ZNF107: variants seen among roughly 807,000 people sequenced by gnomAD.
ZNF107 encodes the protein C2H2 type zinc-finger protein.
A neutral mutation model predicts 12.3 loss-of-function variants in ZNF107; 19 were observed. The observed-to-expected ratio is 1.55, with a 90% confidence interval of 1.08 to 2.27. ZNF107 has a LOEUF of 2.27. ZNF107 is among the 30% of genes most tolerant of loss of function. The pLI is 0.00. For missense variants in ZNF107, 958 were observed against 979.9 expected, an observed-to-expected ratio of 0.98 and a Z score of 0.30; for synonymous variants, 317 against 330.5, an observed-to-expected ratio of 0.96 and a Z score of 0.44.
At chr7:64,670,894 A>G (rs1352806637) in intron 1 of ZNF107, among the ~76,000 whole-genome samples, 1 of 152,168 alleles carries the variant, frequency 6.6e-6, no homozygotes, top group Non-Finnish European at 1.5e-5. Context: ...AAATTTTCAA[A>G]CAGTAGTTTA....
intron 1 of ZNF107, among the ~76,000 whole-genome samples, chr7:64,683,951 G>A (rs11770411): frequency 0.94 from 143,630 of 152,266 alleles, 67,812 homozygotes; most frequent in African/African-American, 0.99. Flanking sequence ...AACAGATATT[G>A]TTACCTGTTT....
chr7:64,694,290 T>TTGTC (rs1158820107), intron 3 of ZNF107, among the ~76,000 whole-genome samples: 1 of 152,178 alleles, frequency 6.6e-6, no homozygotes, highest in East Asian at 1.9e-4. Context: ...TTTGAGGTGA[T>TTGTC]GACAGAGTTC....
At position 64,706,725 on chromosome 7, in the gene ZNF107, T is replaced by C. The variant is rs1001941475; in HGVS notation, c.628T>C (p.Phe210Leu). ...SYKCEECGKAFNWFSTLTKHK... is the reference protein window; with the variant it reads ...SYKCEECGKALNWFSTLTKHK... ...CAAATGTGAAGAATGTGGAAAAGCC[T>C]TTAACTGGTTCTCAACTCTTACTAA... The change falls in exon 4 of 4, where the codon TTT (phenylalanine) becomes CTT (leucine). Residue 210 changes from phenylalanine to leucine, a missense_variant. Phe to Leu is a conservative substitution (Grantham distance 22, BLOSUM62 0). Coordinates refer to ENST00000620827, the MANE Select transcript of ZNF107 (RefSeq NM_001282359.2). 3.7e-6 allele frequency: 6 copies of C among 1,612,592 alleles called. No homozygotes were observed. The African/African-American group carries it at 6.7e-5, about 18-fold the overall frequency.
intron 1 of ZNF107, among the ~76,000 whole-genome samples, chr7:64,671,841 G>T (rs1049339631): frequency 1.3e-5 from 2 of 149,048 alleles, no homozygotes; most frequent in Non-Finnish European, 3.0e-5. Flanking sequence ...GAGTGCAGCG[G>T]CGCGATCTCT....
intron 3 of ZNF107, among the ~76,000 whole-genome samples, chr7:64,692,670 T>G (rs1410965362): frequency 1.2e-4 from 19 of 152,072 alleles, no homozygotes; most frequent in Admixed American, 1.2e-3. Flanking sequence ...ATTTTAAAAT[T>G]TATTTGTGTC....
At chr7:64,673,991 C>G (rs1214727618) in intron 1 of ZNF107, among the ~76,000 whole-genome samples, 1 of 152,008 alleles carries the variant, frequency 6.6e-6, no homozygotes, top group Non-Finnish European at 1.5e-5. Flanking sequence ...CACTACCATG[C>G]TTCTTTGGTT....
chr7:64,695,537 T>G (rs1790259731), intron 3 of ZNF107, among the ~76,000 whole-genome samples: 1 of 152,230 alleles, frequency 6.6e-6, no homozygotes, highest in Non-Finnish European at 1.5e-5. Flanking sequence ...TTGTTTTATT[T>G]ATGTAATTTT....
At chr7:64,674,270 G>A (rs1038838724) in intron 1 of ZNF107, among the ~76,000 whole-genome samples, 2 of 152,004 alleles carry the variant, frequency 1.3e-5, no homozygotes, top group Non-Finnish European at 2.9e-5. Context: ...CCATTTATTT[G>A]TGTCATATCT....
intron 1 of ZNF107, among the ~76,000 whole-genome samples, chr7:64,682,142 T>C (rs1313256692): frequency 6.6e-6 from 1 of 151,834 alleles, no homozygotes; most frequent in Non-Finnish European, 1.5e-5. Context: ...CTCCTAGGAA[T>C]CCTCCCAACA....
intron 3 of ZNF107, among the ~76,000 whole-genome samples, chr7:64,703,819 G>A (rs934626709): frequency 2.0e-5 from 3 of 151,972 alleles, no homozygotes; most frequent in East Asian, 3.9e-4. Flanking sequence ...ACTTGCTAAC[G>A]TTATTGTTTA....
intron 1 of ZNF107, among the ~76,000 whole-genome samples, chr7:64,683,661 C>T (rs906994000): frequency 6.6e-6 from 1 of 152,174 alleles, no homozygotes; most frequent in Non-Finnish European, 1.5e-5. Context: ...TGGCTCGCCT[C>T]CTAGAGCCCC....
rs1790839025 is a variant in ZNF107, at chr7:64,710,180, A to G, written c.*1524A>G. ...CATTGTGAGGACAAACAATACAAATACGAAGAGGGTTGTAGTACCTTTACT... is the reference window on the plus strand; with the variant it reads ...CATTGTGAGGACAAACAATACAAATGCGAAGAGGGTTGTAGTACCTTTACT... On this transcript the variant is annotated 3_prime_UTR_variant, in exon 4 of 4. Transcript: ENST00000620827. 1 of 157,280 alleles carries G rather than the reference A, an allele frequency of 6.4e-6. No homozygotes were observed. 9.7% of individuals were successfully genotyped at this position (157,280 alleles called of 1,614,324 possible).
intron 1 of ZNF107, among the ~76,000 whole-genome samples, chr7:64,688,328 C>T (rs1288993945): frequency 6.0e-5 from 9 of 148,930 alleles, no homozygotes; most frequent in East Asian, 2.0e-4. Context: ...ATGATCTCGG[C>T]TCACTGCAAC....
At chr7:64,666,329 G>A in intron 1 of ZNF107, 44 bp downstream of exon 1, 1 of 1,602,902 alleles carries the variant, frequency 6.2e-7, no homozygotes, top group South Asian at 1.1e-5. Flanking sequence ...GGGAGGGGCT[G>A]GTTGGAACCG....
chr7:64,706,180 A>C, intron 3 of ZNF107, 144 bp from the exon 4 acceptor site: 1 of 761,040 alleles, frequency 1.3e-6, no homozygotes, highest in South Asian at 2.7e-5. Context: ...TGTTACATTT[A>C]TATGTCTATG....
intron 1 of ZNF107, among the ~76,000 whole-genome samples, chr7:64,667,722 G>A (rs571416881): frequency 1.3e-5 from 2 of 152,286 alleles, no homozygotes; most frequent in East Asian, 1.9e-4. Flanking sequence ...GCCTCTCAAG[G>A]GAGCAGGTGG....
chr7:64,684,189 G>A (rs1234217973), intron 1 of ZNF107, among the ~76,000 whole-genome samples: 2 of 152,076 alleles, frequency 1.3e-5, no homozygotes, highest in African/African-American at 4.8e-5. Flanking sequence ...CTGAGCCACC[G>A]CCCATGAACC....
At chr7:64,705,731 C>G (rs187543205) in intron 3 of ZNF107, among the ~76,000 whole-genome samples, 1 of 133,088 alleles carries the variant, frequency 7.5e-6, no homozygotes, top group African/African-American at 2.8e-5. Flanking sequence ...AGAGTTTGTT[C>G]ATGTTTCTTC....
Position 64,691,288 on chromosome 7 carries a change from TG to T in ZNF107, c.46del (p.Glu16ArgfsTer19). ...TFKDVAIEFSLEEWQCLDTAQ... is the reference protein window; with the variant it reads ...TFKDVAIEFSXEEWQCLDTAQ... ...AAAGATGTCGCCATAGAATTCTCTC[TG>T]GAGGAGTGGCAATGCCTGGATACTG... On this transcript the variant is annotated frameshift_variant, in exon 2 of 4. Coordinates refer to ENST00000620827, the MANE Select transcript of ZNF107 (RefSeq NM_001282359.2). LOFTEE classifies it high-confidence loss of function. 1 of 1,554,756 alleles carries T rather than the reference TG, an allele frequency of 6.4e-7. No homozygotes were observed.
Sources: gnomAD v4.1 joint callset for allele counts (sites outside exome capture counted in the v4.1 genomes callset) on GRCh38, gnomAD v4.1.1 for gene constraint, MANE v1.5 for transcripts, NCBI Gene and HGNC (gene_info 2026-07-23, HGNC 2026-07-21) for gene names.